The following CTNND2 variants were observed in gnomAD, a reference collection of about 807,000 sequenced individuals.
CTNND2 encodes catenin delta-2.
A neutral mutation model predicts 144.4 loss-of-function variants in CTNND2; 22 were observed. The ratio of observed to expected loss-of-function variants is 0.15; its 90% CI spans 0.11 to 0.22. The LOEUF is 0.22. Ranked by LOEUF, CTNND2 falls within the 10% of genes least tolerant of loss-of-function variation. The pLI, the probability that CTNND2 is intolerant of heterozygous loss-of-function variation, is 1.00. For missense variants in CTNND2, 1,353 were observed against 1,618.8 expected (o/e 0.84, Z 2.82); for synonymous variants, 751 against 695.6 (o/e 1.08, Z -1.25).
intron 5 of CTNND2, among the ~76,000 whole-genome samples, chr5:11,402,775 A>G (rs973400615): frequency 1.3e-5 from 2 of 152,212 alleles, no homozygotes; most frequent in Non-Finnish European, 2.9e-5. Context: ...GTGTTTATAA[A>G]TATCATTTCT....
At chr5:11,637,501 C>G (rs769717559) in intron 2 of CTNND2, among the ~76,000 whole-genome samples, 5 of 152,096 alleles carry the variant, frequency 3.3e-5, no homozygotes, top group Non-Finnish European at 5.9e-5. Flanking sequence ...GACAAAGTTA[C>G]TTTTTTAAAT....
intron 10 of CTNND2, among the ~76,000 whole-genome samples, chr5:11,226,136 T>C (rs1450034408): frequency 2.0e-5 from 3 of 152,180 alleles, no homozygotes; most frequent in African/African-American, 7.2e-5. Flanking sequence ...GAGAACAGAT[T>C]TCCATTGTTC....
intron 12 of CTNND2, among the ~76,000 whole-genome samples, chr5:11,118,853 G>A (rs1472622091): frequency 6.6e-6 from 1 of 152,104 alleles, no homozygotes; most frequent in East Asian, 1.9e-4. Context: ...GTTGTCCAAG[G>A]CCACACAGTA....
chr5:11,502,208 A>G (rs1253028014), intron 3 of CTNND2, among the ~76,000 whole-genome samples: 1 of 152,094 alleles, frequency 6.6e-6, no homozygotes, highest in Non-Finnish European at 1.5e-5. Context: ...TTGTTGTTGA[A>G]GCCACCCATT....
chr5:11,704,261 A>G (rs1325526230), intron 2 of CTNND2, among the ~76,000 whole-genome samples: 1 of 152,252 alleles, frequency 6.6e-6, no homozygotes, highest in African/African-American at 2.4e-5. Context: ...GAACAATCCA[A>G]TGCATGGCCT....
chr5:11,479,664 AT>A (rs1308556516), intron 3 of CTNND2, among the ~76,000 whole-genome samples: 1 of 151,930 alleles, frequency 6.6e-6, no homozygotes, highest in Non-Finnish European at 1.5e-5. Context: ...AGCATCTGCT[AT>A]TTTTTGATTT....
chr5:11,326,152 T>G (rs1321463110), intron 9 of CTNND2, among the ~76,000 whole-genome samples: 5 of 152,196 alleles, frequency 3.3e-5, no homozygotes, highest in Non-Finnish European at 7.3e-5. Context: ...CTTGAAGTGC[T>G]TGCTTTTTGG....
intron 2 of CTNND2, among the ~76,000 whole-genome samples, chr5:11,566,441 T>C (rs1412139936): frequency 6.6e-6 from 1 of 152,182 alleles, no homozygotes; most frequent in African/African-American, 2.4e-5. Context: ...AAATCCCTTT[T>C]CATAATATCC....
chr5:11,152,648 G>C (rs767941503), intron 12 of CTNND2, among the ~76,000 whole-genome samples: 1 of 152,154 alleles, frequency 6.6e-6, no homozygotes, highest in Non-Finnish European at 1.5e-5. Context: ...CAGGAGACCC[G>C]AGCCCTCGTC....
At chr5:11,572,931 G>A (rs1195588450) in intron 2 of CTNND2, among the ~76,000 whole-genome samples, 1 of 152,200 alleles carries the variant, frequency 6.6e-6, no homozygotes, top group Non-Finnish European at 1.5e-5. Flanking sequence ...GTGCTCTGAA[G>A]TATTTAATTA....
chr5:10,987,245 T>C lies in CTNND2; in HGVS notation c.3343+866A>G, dbSNP rs185622182. Among the ~76,000 whole-genome samples, 158 of 152,228 alleles carry C rather than the reference T, an allele frequency of 1.0e-3. 1 individual carries two copies. The highest frequency in any genetic ancestry group is 4.2e-3 in the Admixed American group (64 of 15,286). On this transcript the variant is annotated intron_variant, in intron 20 of 21. Coordinates refer to ENST00000304623, the MANE Select transcript of CTNND2 (RefSeq NM_001332.4). ...GGCCATCCAGGGAGAGGGTGAGGTA[T>C]GGAGAGCTTGGAGGGGGCTGTGAGT...
intron 16 of CTNND2, among the ~76,000 whole-genome samples, chr5:11,036,394 C>T (rs1396606225): frequency 6.6e-6 from 1 of 152,082 alleles, no homozygotes; most frequent in Non-Finnish European, 1.5e-5. Flanking sequence ...TTGCCTTCCA[C>T]AAATCTGCAC....
At chr5:11,367,460 C>T (rs1228254561) in intron 7 of CTNND2, among the ~76,000 whole-genome samples, 1 of 152,164 alleles carries the variant, frequency 6.6e-6, no homozygotes. Flanking sequence ...GAATCTGCTA[C>T]AAAATGTCAT....
At chr5:10,974,110 T>C (rs1736151737) in intron 21 of CTNND2, among the ~76,000 whole-genome samples, 1 of 152,134 alleles carries the variant, frequency 6.6e-6, no homozygotes, top group Non-Finnish European at 1.5e-5. Context: ...CCTCATCCCC[T>C]CTCTCTCAGC....
At chr5:11,213,421 A>C (rs1738843980) in intron 10 of CTNND2, among the ~76,000 whole-genome samples, 1 of 152,178 alleles carries the variant, frequency 6.6e-6, no homozygotes, top group Non-Finnish European at 1.5e-5. Flanking sequence ...ATTTCTATTG[A>C]ACACAAAGAA....
At chr5:11,720,629 G>C (rs1277302596) in intron 2 of CTNND2, among the ~76,000 whole-genome samples, 1 of 152,114 alleles carries the variant, frequency 6.6e-6, no homozygotes, top group Non-Finnish European at 1.5e-5. Context: ...ATTCTTCACA[G>C]GTGTGGGTAT....
intron 9 of CTNND2, among the ~76,000 whole-genome samples, chr5:11,239,699 G>A (rs1469383721): frequency 6.6e-6 from 1 of 152,220 alleles, no homozygotes; most frequent in Non-Finnish European, 1.5e-5. Flanking sequence ...CTTCTGCCTG[G>A]CCCTGGCCTG....
chr5:11,878,701 C>CT, intron 1 of CTNND2, among the ~76,000 whole-genome samples: 1 of 152,166 alleles, frequency 6.6e-6, no homozygotes, highest in Admixed American at 6.5e-5. Context: ...AGAGTCCTTG[C>CT]TGCTTCATGC....
At chr5:11,362,343 T>C (rs1756547658) in intron 8 of CTNND2, among the ~76,000 whole-genome samples, 1 of 152,196 alleles carries the variant, frequency 6.6e-6, no homozygotes, top group South Asian at 2.1e-4. Context: ...AAAAGACATA[T>C]ACACATATTA....
Sources: allele counts gnomAD v4.1 joint callset (sites outside exome capture counted in the v4.1 genomes callset), GRCh38; gene constraint gnomAD v4.1.1; transcripts MANE v1.5; gene names NCBI Gene and HGNC (gene_info 2026-07-23, HGNC 2026-07-21).